Variants in KCNIP3 observed in about 807,000 individuals in gnomAD.
The protein encoded by KCNIP3 is potassium voltage-gated channel interacting protein 3.
In KCNIP3, 28 loss-of-function variants were observed where a neutral mutation model predicts 35.0. The observed-to-expected ratio is 0.80, with a 90% CI of 0.59 to 1.10. The LOEUF is 1.10. Ranked by LOEUF, KCNIP3 falls within the 50% of genes least tolerant of loss-of-function variation. KCNIP3 has a pLI of 0.00. For missense variants in KCNIP3, 295 were observed against 338.4 expected (o/e 0.87, Z 1.01); for synonymous variants, 134 against 133.8 (o/e 1.00, Z -0.01).
In KCNIP3 at chr2:95,382,325, C is replaced by T. The variant is rs2104308975; in HGVS notation, c.556-52C>T. On this transcript the variant is annotated intron_variant, in intron 6 of 8. Coordinates refer to ENST00000295225, the MANE Select transcript of KCNIP3 (RefSeq NM_013434.5). This position sits in a 1 kb window ranked among gnomAD's most constrained non-coding sequence, Gnocchi z 4.5. ...TGGATGCCGCCCGCTCCCTTTGGGCCCTCACAGCCACCCCGGCCTTGCAGC... is the reference window on the plus strand; with the variant it reads ...TGGATGCCGCCCGCTCCCTTTGGGCTCTCACAGCCACCCCGGCCTTGCAGC... 1 of 1,301,330 alleles carries T rather than the reference C, an allele frequency of 7.7e-7. No homozygotes were observed. The allele number at this position is 1,301,330 out of a possible 1,614,324, so 80.6% of individuals were successfully genotyped here. A position where few individuals can be genotyped will look rare whatever the true frequency, so the allele number is the denominator to read the frequency against.
At chr2:95,342,633 C>G (rs1480437143) in intron 2 of KCNIP3, among the ~76,000 whole-genome samples, 1 of 152,194 alleles carries the variant, frequency 6.6e-6, no homozygotes, top group Non-Finnish European at 1.5e-5. Context: ...TCATTTTTAG[C>G]TGTGTTTTCT....
intron 2 of KCNIP3, among the ~76,000 whole-genome samples, chr2:95,323,149 C>T (rs777890361): frequency 3.9e-5 from 6 of 152,270 alleles, no homozygotes; most frequent in Non-Finnish European, 8.8e-5. Context: ...TGATGACTGG[C>T]GAGATGGGCA....
chr2:95,309,385 G>T (rs938372379), intron 1 of KCNIP3, among the ~76,000 whole-genome samples: 58 of 152,028 alleles, frequency 3.8e-4, no homozygotes, highest in African/African-American at 1.4e-3. Flanking sequence ...GACCCCAGGA[G>T]GTTGTTTTCT....
intron 2 of KCNIP3, chr2:95,347,248 C>G (rs1679398932): frequency 1.3e-6 from 1 of 784,442 alleles, no homozygotes; most frequent in Non-Finnish European, 2.0e-6. Context: ...CCGCCCCCTC[C>G]CGGCTCCGGA....
Position 95,377,307 on chromosome 2 carries a change from G to A in KCNIP3, c.447+2099G>A, listed in dbSNP as rs1190241073. On this transcript the variant is annotated intron_variant, in intron 5 of 8. Transcript: ENST00000295225. The surrounding 1 kb of genome is among the most constrained non-coding windows in gnomAD (Gnocchi z 4.7). ...GGAAGTGGCAGCCAGGCAGGCATCT[G>A]GAGGTGCGGCCGCTTCTCTGTTACC... 6.6e-6 allele frequency among the ~76,000 whole-genome samples: 1 copy of A among 152,252 alleles called. No individual in the cohort carries two copies. Among genetic ancestry groups the A allele is most frequent in the Admixed American group, 6.5e-5 (1 of 15,288 alleles).
At chr2:95,320,875 C>T (rs1678575999) in intron 2 of KCNIP3, among the ~76,000 whole-genome samples, 1 of 147,546 alleles carries the variant, frequency 6.8e-6, no homozygotes, top group Non-Finnish European at 1.5e-5. Context: ...TCCCTAGGCC[C>T]TCTCCTCCCC....
At chr2:95,379,863 C>A (rs1390539935) in intron 5 of KCNIP3, among the ~76,000 whole-genome samples, 1 of 152,198 alleles carries the variant, frequency 6.6e-6, no homozygotes, top group Non-Finnish European at 1.5e-5. Flanking sequence ...CCTCTGCACC[C>A]AATTTGCTGA....
rs763684923 is a variant in KCNIP3, at chr2:95,309,517, G to A, written c.16-838G>A. On this transcript the variant is annotated intron_variant, in intron 1 of 8. Transcript: ENST00000295225. ...CAGCTCACTGTAACCTCCGTCTCCC[G>A]GGCTCAAGCAATTCTCCTGCTTCAA... 3.3e-5 allele frequency among the ~76,000 whole-genome samples: 5 copies of A among 150,394 alleles called. No individual in the cohort carries two copies. In the East Asian group the frequency reaches 7.8e-4, roughly 24 times the overall value.
chr2:95,364,959 G>A (rs1304259908), intron 2 of KCNIP3, among the ~76,000 whole-genome samples: 3 of 152,036 alleles, frequency 2.0e-5, no homozygotes, highest in Non-Finnish European at 4.4e-5. Flanking sequence ...AGTGGTGTGT[G>A]CCTGTAGTCT....
chr2:95,339,726 C>A (rs1282297597), intron 2 of KCNIP3, among the ~76,000 whole-genome samples: 1 of 152,198 alleles, frequency 6.6e-6, no homozygotes, highest in Non-Finnish European at 1.5e-5. Context: ...TGTGAATAAG[C>A]CTTCAATACC....
rs1392835040 is a variant in KCNIP3, at chr2:95,385,156, C to T, written c.*1107C>T. 1 of 152,778 alleles carries T rather than the reference C, an allele frequency of 6.5e-6. No homozygotes were observed. The highest frequency in any genetic ancestry group is 1.5e-5 in the Non-Finnish European group (1 of 68,208). 9.5% of individuals were successfully genotyped at this position (152,778 alleles called of 1,614,324 possible). On this transcript the variant is annotated 3_prime_UTR_variant, in exon 9 of 9. Coordinates refer to ENST00000295225, the MANE Select transcript of KCNIP3 (RefSeq NM_013434.5). ...CTCAGGCGCAGCCCTAGTGGGAGCC[C>T]AGCACACTGCTTCTCGGAGGCCAGG... is the stretch of plus-strand genomic sequence containing the variant.
intron 2 of KCNIP3, among the ~76,000 whole-genome samples, chr2:95,333,831 C>T (rs978737524): frequency 2.6e-5 from 4 of 152,126 alleles, no homozygotes; most frequent in Admixed American, 2.0e-4. Flanking sequence ...GGATAGGGGG[C>T]GTCTCACTCC....
intron 2 of KCNIP3, among the ~76,000 whole-genome samples, chr2:95,349,087 AC>A (rs3836205): frequency 2.3e-3 from 318 of 139,254 alleles, no homozygotes; most frequent in African/African-American, 5.4e-3. Flanking sequence ...TCACTCAGAC[AC>A]CCCCCCCCGC....
chr2:95,310,901 G>A (rs1196937087), intron 2 of KCNIP3: 1 of 301,252 alleles, frequency 3.3e-6, no homozygotes, highest in Non-Finnish European at 6.4e-6. Flanking sequence ...TGAGAAGCCA[G>A]GCTGGAACCT....
chr2:95,359,422 A>G (rs1024142726), intron 2 of KCNIP3, among the ~76,000 whole-genome samples: 6 of 152,222 alleles, frequency 3.9e-5, no homozygotes, highest in Non-Finnish European at 7.3e-5. Context: ...GCAACATTAA[A>G]TCTTGAGACT....
intron 5 of KCNIP3, among the ~76,000 whole-genome samples, chr2:95,379,307 G>A (rs1468253634): frequency 6.6e-6 from 1 of 152,168 alleles, no homozygotes; most frequent in Admixed American, 6.5e-5. Flanking sequence ...CTTTGCCTAC[G>A]GTTAACATTG....
intron 2 of KCNIP3, among the ~76,000 whole-genome samples, chr2:95,323,053 C>T (rs1212180451): frequency 6.6e-6 from 1 of 152,212 alleles, no homozygotes; most frequent in Non-Finnish European, 1.5e-5. Context: ...CACCCAGCCT[C>T]CCCCATTGCC....
At chr2:95,300,325 G>C (rs1404485092) in intron 1 of KCNIP3, among the ~76,000 whole-genome samples, 1 of 152,184 alleles carries the variant, frequency 6.6e-6, no homozygotes, top group Non-Finnish European at 1.5e-5. Context: ...TTAAATTCAG[G>C]CTGCCTTGTC....
At chr2:95,317,547 C>T (rs1268397779) in intron 2 of KCNIP3, among the ~76,000 whole-genome samples, 2 of 152,120 alleles carry the variant, frequency 1.3e-5, no homozygotes, top group Non-Finnish European at 2.9e-5. Context: ...AGGCAGTCCC[C>T]GGAAAGGCTG....
Sources: allele counts gnomAD v4.1 joint callset (sites outside exome capture counted in the v4.1 genomes callset), GRCh38; gene constraint gnomAD v4.1.1; non-coding constraint Gnocchi (gnomAD v3.1); transcripts MANE v1.5; gene names NCBI Gene and HGNC (gene_info 2026-07-23, HGNC 2026-07-21).